The following CUX2 variants were observed in gnomAD, a reference collection of about 807,000 sequenced individuals.
CUX2 encodes the protein homeobox protein cut-like 2.
A neutral mutation model predicts 144.8 loss-of-function variants in CUX2; 40 were observed. The ratio of observed to expected loss-of-function variants is 0.28; its 90% CI spans 0.21 to 0.36. The LOEUF (loss-of-function observed/expected upper bound fraction) is 0.36. Among genes scored for constraint, CUX2 ranks in the 10% least tolerant of loss-of-function variants. The pLI is 1.00. For synonymous variants in CUX2, 827 were observed against 875.6 expected, an observed-to-expected ratio of 0.94 and a Z score of 0.98; for missense variants, 1,615 against 1,994.0, an observed-to-expected ratio of 0.81 and a Z score of 3.62.
At chr12:111,157,770 G>T (rs1238268587) in intron 1 of CUX2, among the ~76,000 whole-genome samples, 1 of 152,230 alleles carries the variant, frequency 6.6e-6, no homozygotes, top group Non-Finnish European at 1.5e-5. Flanking sequence ...TTCTTAGGTT[G>T]ATGAGAGGGA....
At chr12:111,224,149 A>G (rs1220767663) in intron 3 of CUX2, among the ~76,000 whole-genome samples, 2 of 152,148 alleles carry the variant, frequency 1.3e-5, no homozygotes, top group Non-Finnish European at 2.9e-5. Context: ...GGTCTCTCAG[A>G]GATGACCGAG....
Position 111,293,302 on chromosome 12 carries a change from C to A in CUX2, c.437-144C>A. 1 of 1,252,418 alleles carries A rather than the reference C, an allele frequency of 8.0e-7. No homozygotes were observed. The highest frequency in any genetic ancestry group is 1.1e-6 in the Non-Finnish European group (1 of 930,184). 77.6% of individuals were successfully genotyped at this position (1,252,418 alleles called of 1,614,324 possible). A position where few individuals can be genotyped will look rare whatever the true frequency, so the allele number is the denominator to read the frequency against. ...CTGTGTGCTGAGGACATGCGGCCCG[C>A]AGGGCCCCACAGCTGCGCTCTCTCC... On this transcript the variant is annotated intron_variant, in intron 5 of 21. Transcript: ENST00000261726. This position sits in a 1 kb window ranked among gnomAD's most constrained non-coding sequence, Gnocchi z 4.5.
intron 1 of CUX2, among the ~76,000 whole-genome samples, chr12:111,172,942 G>A (rs1024782440): frequency 3.9e-5 from 6 of 152,216 alleles, no homozygotes; most frequent in Non-Finnish European, 5.9e-5. Context: ...GTGCAGCATC[G>A]AGAAGCTTCC....
At chr12:111,111,494 C>T (rs1324582838) in intron 1 of CUX2, among the ~76,000 whole-genome samples, 4 of 152,184 alleles carry the variant, frequency 2.6e-5, no homozygotes, top group South Asian at 2.1e-4. Context: ...CAGTTGGAGT[C>T]CAGTTGAAGA....
intron 1 of CUX2, among the ~76,000 whole-genome samples, chr12:111,086,843 G>A (rs1340418892): frequency 1.3e-5 from 2 of 152,038 alleles, no homozygotes; most frequent in Non-Finnish European, 1.5e-5. Context: ...GAGGCAAGAG[G>A]ATCACTCGAG....
chr12:111,120,485 C>T (rs1874581530), intron 1 of CUX2, among the ~76,000 whole-genome samples: 1 of 152,184 alleles, frequency 6.6e-6, no homozygotes, highest in South Asian at 2.1e-4. Context: ...ACCGTGTTGG[C>T]TCCCAGGCCC....
intron 3 of CUX2, among the ~76,000 whole-genome samples, chr12:111,231,806 G>T (rs1158624189): frequency 1.3e-5 from 2 of 152,168 alleles, no homozygotes; most frequent in East Asian, 1.9e-4. Flanking sequence ...ATCTAGAGAT[G>T]ATTTAAAGTA....
At chr12:111,184,935 A>C (rs2136186545) in intron 1 of CUX2, among the ~76,000 whole-genome samples, 1 of 152,134 alleles carries the variant, frequency 6.6e-6, no homozygotes, top group South Asian at 2.1e-4. Flanking sequence ...GGTGGCGGGC[A>C]CCTGTAGTCC....
intron 1 of CUX2, among the ~76,000 whole-genome samples, chr12:111,180,414 C>G (rs1420777011): frequency 6.6e-6 from 1 of 152,128 alleles, no homozygotes; most frequent in Non-Finnish European, 1.5e-5. Flanking sequence ...ACCGAAGAAC[C>G]CTTGACATGT....
intron 14 of CUX2, 25 bp downstream of exon 14, chr12:111,308,551 C>T (rs1886716615): frequency 5.0e-6 from 8 of 1,585,680 alleles, no homozygotes; most frequent in Non-Finnish European, 6.0e-6. Flanking sequence ...TACTCTGGGG[C>T]TGAGGGCTGG....
intron 1 of CUX2, among the ~76,000 whole-genome samples, chr12:111,111,739 T>C (rs779808604): frequency 1.2e-4 from 18 of 152,100 alleles, no homozygotes; most frequent in Non-Finnish European, 1.8e-4. Flanking sequence ...CTCTGTCAAA[T>C]AACAAGAAAA....
At chr12:111,107,508 C>T (rs1396157969) in intron 1 of CUX2, among the ~76,000 whole-genome samples, 1 of 152,264 alleles carries the variant, frequency 6.6e-6, no homozygotes, top group Non-Finnish European at 1.5e-5. Flanking sequence ...CTGCAGGTTT[C>T]ACCTGGGGAG....
chr12:111,197,272 GA>G (rs1880297575), intron 1 of CUX2, among the ~76,000 whole-genome samples: 1 of 152,238 alleles, frequency 6.6e-6, no homozygotes, highest in Admixed American at 6.5e-5. Context: ...GTCAGTGTGG[GA>G]AAGGATCAGC....
intron 1 of CUX2, among the ~76,000 whole-genome samples, chr12:111,157,105 T>C (rs1266913099): frequency 2.0e-5 from 3 of 150,808 alleles, no homozygotes; most frequent in African/African-American, 7.3e-5. Context: ...TTTTGCACAC[T>C]GCTTCATTCC....
chr12:111,134,685 T>C (rs147806401), intron 1 of CUX2, among the ~76,000 whole-genome samples: 191 of 151,718 alleles, frequency 1.3e-3, no homozygotes, highest in African/African-American at 4.4e-3. Flanking sequence ...AATATGTACC[T>C]AGAGCAATGT....
In CUX2 at chr12:111,310,142, C is replaced by T; in HGVS notation, c.1360C>T (p.Pro454Ser). The T allele has an allele frequency of 6.5e-7, 1 of 1,534,086 alleles. No individual in the cohort carries two copies. The highest frequency in any genetic ancestry group is 1.4e-5 in the African/African-American group (1 of 72,218). Reference sequence around the variant, plus strand: ...CCCACCTCCACCAGGGCCAGAAGACCCCCTGTCTCCCAGCCCCGGGCAGCC... The same window carrying T: ...CCCACCTCCACCAGGGCCAGAAGACTCCCTGTCTCCCAGCCCCGGGCAGCC... ...QLPPPPGPED[P>S]LSPSPGQPLL... Residue 454 changes from proline (P) to serine (S), a missense_variant, in exon 15 of 22, where the codon CCC becomes TCC. Around this residue, in one of 12 missense-constraint regions of CUX2, gnomAD observed 154 missense variants for 148.4 expected, o/e 1.04. Coordinates refer to ENST00000261726, the MANE Select transcript of CUX2 (RefSeq NM_015267.4). This position sits in a 1 kb window ranked among gnomAD's most constrained non-coding sequence, Gnocchi z 7.9.
chr12:111,147,828 G>T lies in CUX2; in HGVS notation c.64-66372G>T, dbSNP rs114172450. On this transcript the variant is annotated intron_variant, in intron 1 of 21. Coordinates refer to ENST00000261726, the MANE Select transcript of CUX2 (RefSeq NM_015267.4). ...CATGCCCAGGAAGGCGATGTGTCCA[G>T]CAGGTCTCAGCAAACGAGTCCTCCA... 4.1e-3 allele frequency among the ~76,000 whole-genome samples: 631 copies of T among 152,276 alleles called. 4 individuals are homozygous for T. The highest frequency in any genetic ancestry group is 0.014 in the African/African-American group (585 of 41,546).
At chr12:111,106,382 C>T (rs1437768907) in intron 1 of CUX2, among the ~76,000 whole-genome samples, 1 of 152,194 alleles carries the variant, frequency 6.6e-6, no homozygotes, top group Non-Finnish European at 1.5e-5. Flanking sequence ...GTCTCAAACC[C>T]CTGGACTTAA....
chr12:111,164,191 C>T (rs961578787), intron 1 of CUX2, among the ~76,000 whole-genome samples: 1 of 152,148 alleles, frequency 6.6e-6, no homozygotes, highest in Non-Finnish European at 1.5e-5. Context: ...AGGGAATTGT[C>T]AGCTCCCTGA....
Sources: gnomAD v4.1 joint callset for allele counts (sites outside exome capture counted in the v4.1 genomes callset) on GRCh38, gnomAD v4.1.1 for gene constraint, gnomAD v4.1.1 regional missense constraint, Gnocchi (gnomAD v3.1) non-coding constraint, MANE v1.5 for transcripts, NCBI Gene and HGNC (gene_info 2026-07-23, HGNC 2026-07-21) for gene names.